Variants in ADK observed in about 807,000 individuals in gnomAD.
The protein encoded by ADK is adenosine kinase.
In ADK, 24 loss-of-function variants were observed where a neutral mutation model predicts 44.7. The ratio of observed to expected loss-of-function variants is 0.54; its 90% CI spans 0.39 to 0.76. The LOEUF is 0.76. Ranked by LOEUF, ADK falls within the 30% of genes least tolerant of loss-of-function variation. The pLI is 0.00. For synonymous variants in ADK, 128 were observed against 142.6 expected, an observed-to-expected ratio of 0.90 and a Z score of 0.73; for missense variants, 321 against 425.1, an observed-to-expected ratio of 0.76 and a Z score of 2.15.
intron 7 of ADK, among the ~76,000 whole-genome samples, chr10:74,528,647 T>C (rs934192546): frequency 6.6e-6 from 1 of 152,200 alleles, no homozygotes; most frequent in African/African-American, 2.4e-5. Context: ...ATATTCAGAA[T>C]ATTTAACACA....
chr10:74,233,519 G>A (rs1844856074), intron 3 of ADK, among the ~76,000 whole-genome samples: 2 of 152,142 alleles, frequency 1.3e-5, no homozygotes, highest in South Asian at 4.1e-4. Context: ...AATGGCTACT[G>A]CTTCAATTGC....
At chr10:74,324,614 C>A (rs1427862799) in intron 4 of ADK, among the ~76,000 whole-genome samples, 1 of 152,038 alleles carries the variant, frequency 6.6e-6, no homozygotes, top group Non-Finnish European at 1.5e-5. Flanking sequence ...AATAGTATTC[C>A]ATTGTGTATA....
At chr10:74,411,596 T>C (rs1308089893) in intron 6 of ADK, among the ~76,000 whole-genome samples, 1 of 152,248 alleles carries the variant, frequency 6.6e-6, no homozygotes, top group Non-Finnish European at 1.5e-5. Flanking sequence ...TAGCGAGTAA[T>C]AATCTTTTTG....
chr10:74,292,974 A>T (rs1441405940), intron 3 of ADK, among the ~76,000 whole-genome samples: 1 of 152,016 alleles, frequency 6.6e-6, no homozygotes, highest in Non-Finnish European at 1.5e-5. Context: ...AAAATAGTAA[A>T]GATAGGAAGC....
chr10:74,622,825 T>C (rs1287930176), intron 9 of ADK, among the ~76,000 whole-genome samples: 3 of 152,094 alleles, frequency 2.0e-5, no homozygotes, highest in Non-Finnish European at 4.4e-5. Context: ...CTGACCAACC[T>C]GGAGAAACCC....
chr10:74,490,333 T>C lies in ADK; in HGVS notation c.556-34923T>C, dbSNP rs368629186. Among the ~76,000 whole-genome samples, 3 of 152,226 alleles carry C rather than the reference T, an allele frequency of 2.0e-5. No homozygotes were observed. In the East Asian group the frequency reaches 5.8e-4, roughly 29 times the overall value. ...ATAGGTCCAACATATGGTAATGTGT[T>C]ATGCAATTAATGATAATGTAGAACG... On this transcript the variant is annotated intron_variant, in intron 6 of 10. Coordinates refer to ENST00000539909, the MANE Select transcript of ADK (RefSeq NM_006721.4).
intron 4 of ADK, among the ~76,000 whole-genome samples, chr10:74,357,019 A>T (rs1407681256): frequency 6.6e-6 from 1 of 152,184 alleles, no homozygotes; most frequent in Non-Finnish European, 1.5e-5. Flanking sequence ...AAACCAATAG[A>T]AGATCAGAGT....
At chr10:74,613,223 A>C (rs1852622887) in intron 9 of ADK, among the ~76,000 whole-genome samples, 2 of 152,096 alleles carry the variant, frequency 1.3e-5, no homozygotes, top group Non-Finnish European at 2.9e-5. Context: ...AGTCTGGGGC[A>C]AGGGGAGTGT....
At chr10:74,511,137 T>C (rs1848304581) in intron 6 of ADK, among the ~76,000 whole-genome samples, 1 of 152,222 alleles carries the variant, frequency 6.6e-6, no homozygotes, top group Non-Finnish European at 1.5e-5. Flanking sequence ...CCAATGACAA[T>C]TCTTGGCACT....
At chr10:74,447,572 G>A (rs1289284764) in intron 6 of ADK, among the ~76,000 whole-genome samples, 1 of 152,130 alleles carries the variant, frequency 6.6e-6, no homozygotes, top group Non-Finnish European at 1.5e-5. Flanking sequence ...ATTTGAGGGT[G>A]TCATACTCTG....
intron 6 of ADK, among the ~76,000 whole-genome samples, chr10:74,435,112 G>A (rs528468971): frequency 6.6e-6 from 1 of 152,118 alleles, no homozygotes; most frequent in African/African-American, 2.4e-5. Flanking sequence ...GAGAGGGAAG[G>A]TTTGCTTAAA....
intron 7 of ADK, among the ~76,000 whole-genome samples, chr10:74,564,962 A>G (rs1187824205): frequency 6.6e-6 from 1 of 152,120 alleles, no homozygotes; most frequent in Non-Finnish European, 1.5e-5. Flanking sequence ...TTAGGACATG[A>G]ACATCTTGGC....
intron 8 of ADK, among the ~76,000 whole-genome samples, chr10:74,590,848 T>A (rs1038661017): frequency 1.3e-5 from 2 of 152,152 alleles, no homozygotes; most frequent in Non-Finnish European, 2.9e-5. Context: ...AGGAATTTTT[T>A]AAAGTTTTAC....
At chr10:74,353,278 A>G (rs1842028035) in intron 4 of ADK, among the ~76,000 whole-genome samples, 1 of 152,116 alleles carries the variant, frequency 6.6e-6, no homozygotes, top group Admixed American at 6.5e-5. Context: ...GAAGCTGGAA[A>G]CCATCATTTT....
At chr10:74,325,736 T>C (rs943334979) in intron 4 of ADK, among the ~76,000 whole-genome samples, 34 of 152,256 alleles carry the variant, frequency 2.2e-4, no homozygotes, top group African/African-American at 8.0e-4. Flanking sequence ...TATTGAAATA[T>C]GGTTTTTTCC....
intron 10 of ADK, among the ~76,000 whole-genome samples, chr10:74,680,483 G>A (rs1337844073): frequency 6.6e-6 from 1 of 152,062 alleles, no homozygotes; most frequent in Non-Finnish European, 1.5e-5. Flanking sequence ...TGTACTGGGA[G>A]GTGGCTGAAT....
chr10:74,467,645 G>T (rs1253515397), intron 6 of ADK, among the ~76,000 whole-genome samples: 1 of 151,922 alleles, frequency 6.6e-6, no homozygotes, highest in Admixed American at 6.6e-5. Flanking sequence ...ATAATTAATA[G>T]TAAATCTATT....
intron 3 of ADK, among the ~76,000 whole-genome samples, chr10:74,251,870 C>A (rs1845662820): frequency 6.9e-6 from 1 of 145,076 alleles, no homozygotes. Context: ...CCATTCATTA[C>A]TGCTGTTTTC....
At chr10:74,647,011 C>A (rs1854076190) in intron 9 of ADK, among the ~76,000 whole-genome samples, 1 of 152,036 alleles carries the variant, frequency 6.6e-6, no homozygotes, top group African/African-American at 2.4e-5. Context: ...AGAGTCTCCT[C>A]CCCATCTCAA....
Sources: allele counts gnomAD v4.1 joint callset (sites outside exome capture counted in the v4.1 genomes callset), GRCh38; gene constraint gnomAD v4.1.1; transcripts MANE v1.5; gene names NCBI Gene and HGNC (gene_info 2026-07-23, HGNC 2026-07-21).